Variants in COL25A1 observed in about 807,000 individuals in gnomAD.
The protein encoded by COL25A1 is collagen alpha-1(XXV) chain.
Under a neutral mutation model 128.4 loss-of-function variants are expected in COL25A1, and 103 were observed. The ratio of observed to expected loss-of-function variants is 0.80; its 90% CI spans 0.68 to 0.94. The LOEUF (loss-of-function observed/expected upper bound fraction) is 0.94, where lower values mean the gene tolerates loss of function less well. Ranked by LOEUF, COL25A1 falls within the 40% of genes least tolerant of loss-of-function variation. COL25A1 has a pLI of 0.00. For synonymous variants in COL25A1, 279 were observed against 277.2 expected, an observed-to-expected ratio of 1.01 and a Z score of -0.06; for missense variants, 745 against 840.0, an observed-to-expected ratio of 0.89 and a Z score of 1.40.
At chr4:109,020,273 A>G (rs1757603136) in intron 5 of COL25A1, among the ~76,000 whole-genome samples, 1 of 152,324 alleles carries the variant, frequency 6.6e-6, no homozygotes, top group South Asian at 2.1e-4. Flanking sequence ...TACAGGATAG[A>G]TATTAATAAT....
intron 5 of COL25A1, among the ~76,000 whole-genome samples, chr4:109,013,494 T>C (rs1756880468): frequency 6.6e-6 from 1 of 151,608 alleles, no homozygotes; most frequent in South Asian, 2.1e-4. Context: ...CCACACTGTG[T>C]AGGCTTTGTT....
rs1423591645 is a variant in COL25A1, at chr4:109,279,116, G to A, written c.367+21467C>T. 2.0e-5 allele frequency among the ~76,000 whole-genome samples: 3 copies of A among 151,920 alleles called. No homozygotes were observed. The South Asian group carries it at 6.2e-4, about 32-fold the overall frequency. On this transcript the variant is annotated intron_variant, in intron 3 of 37. Coordinates refer to ENST00000399132, the MANE Select transcript of COL25A1 (RefSeq NM_198721.4). The stretch of plus-strand genomic sequence containing the variant: ...TTTTTAACATATGAGTTTTGGGCGG[G>A]GGGATGGGGGAAGACACAGACACCC...
intron 19 of COL25A1, among the ~76,000 whole-genome samples, chr4:108,880,020 G>A (rs779859356): frequency 3.3e-5 from 5 of 151,388 alleles, no homozygotes; most frequent in Non-Finnish European, 7.4e-5. Flanking sequence ...TGTTGGTCAG[G>A]CTGGTCTCAA....
chr4:109,287,139 A>T, intron 3 of COL25A1, among the ~76,000 whole-genome samples: 1 of 152,222 alleles, frequency 6.6e-6, no homozygotes, highest in East Asian at 1.9e-4. Flanking sequence ...TATGAGTTCA[A>T]ATACCAATTA....
intron 18 of COL25A1, among the ~76,000 whole-genome samples, chr4:108,884,795 T>C (rs1331583162): frequency 6.6e-6 from 1 of 152,214 alleles, no homozygotes; most frequent in African/African-American, 2.4e-5. Context: ...CTGACAATTG[T>C]TGAGTCTGAG....
chr4:108,876,400 T>C (rs1487505753), intron 19 of COL25A1, among the ~76,000 whole-genome samples: 2 of 152,116 alleles, frequency 1.3e-5, no homozygotes, highest in Non-Finnish European at 2.9e-5. Flanking sequence ...CACATTACCG[T>C]AAAAATTAAA....
At chr4:109,052,218 T>C (rs572671191) in intron 3 of COL25A1, among the ~76,000 whole-genome samples, 1 of 152,018 alleles carries the variant, frequency 6.6e-6, no homozygotes, top group Admixed American at 6.5e-5. Context: ...ATGAAAAAAA[T>C]GATTAAAGAA....
At chr4:109,080,636 A>G (rs1763756558) in intron 3 of COL25A1, among the ~76,000 whole-genome samples, 1 of 152,210 alleles carries the variant, frequency 6.6e-6, no homozygotes, top group South Asian at 2.1e-4. Flanking sequence ...TAATTATCAA[A>G]AGATGTTGAA....
chr4:108,951,594 C>T (rs569525206), intron 8 of COL25A1, among the ~76,000 whole-genome samples: 8 of 151,934 alleles, frequency 5.3e-5, no homozygotes, highest in African/African-American at 1.9e-4. Context: ...TCATGTTGGC[C>T]AGGTGGGTCT....
In COL25A1 at chr4:109,251,527, C is replaced by T. The variant is rs1226410151; in HGVS notation, c.367+49056G>A. Among the ~76,000 whole-genome samples, 3 of 152,236 alleles carry T rather than the reference C, an allele frequency of 2.0e-5. No individual in the cohort carries two copies. In the East Asian group the frequency reaches 5.8e-4, roughly 29 times the overall value. On this transcript the variant is annotated intron_variant, in intron 3 of 37. Coordinates refer to ENST00000399132, the MANE Select transcript of COL25A1 (RefSeq NM_198721.4). ...TGGTAGAATAGCAGTCCAATTTCCCCTTGCTAGTCAGGGTCAGTCACCACT... is the reference window on the plus strand; with the variant it reads ...TGGTAGAATAGCAGTCCAATTTCCCTTTGCTAGTCAGGGTCAGTCACCACT...
chr4:109,174,368 T>C (rs971680709), intron 3 of COL25A1, among the ~76,000 whole-genome samples: 2 of 152,084 alleles, frequency 1.3e-5, no homozygotes, highest in African/African-American at 4.8e-5. Context: ...AGCTAAACAT[T>C]CCTTTTTATC....
Position 108,835,861 on chromosome 4 carries a change from C to CTTTTTTTTTTTTTTTTTTTTTTT in COL25A1, c.1657-3451_1657-3429dup, listed in dbSNP as rs1158184110. On this transcript the variant is annotated intron_variant, in intron 31 of 37. Transcript: ENST00000399132. Reference sequence around the variant, plus strand: ...GCCACAGTGCCCGGCTTACATACGTCTTTTTTTTTTTTTTTTTTTTTTTTT... The same window carrying CTTTTTTTTTTTTTTTTTTTTTTT: ...GCCACAGTGCCCGGCTTACATACGTCTTTTTTTTTTTTTTTTTTTTTTTTTTTTTTTTTTTTTTTTTTTTTTTT... Among the ~76,000 whole-genome samples the CTTTTTTTTTTTTTTTTTTTTTTT allele has an allele frequency of 4.6e-4, 21 of 45,720 alleles. 1 individual carries two copies. The highest frequency in any genetic ancestry group is 5.8e-4 in the Non-Finnish European group (16 of 27,386). The allele number at this position is 45,720 out of a possible 152,430, so 30.0% of individuals were successfully genotyped here.
At chr4:109,075,140 G>A (rs937108197) in intron 3 of COL25A1, among the ~76,000 whole-genome samples, 1 of 152,120 alleles carries the variant, frequency 6.6e-6, no homozygotes, top group South Asian at 2.1e-4. Context: ...TGACAGTTAA[G>A]TACCAATTCA....
chr4:109,060,911 T>C (rs1018092253), intron 3 of COL25A1, among the ~76,000 whole-genome samples: 15 of 152,196 alleles, frequency 9.9e-5, no homozygotes, highest in African/African-American at 3.4e-4. Flanking sequence ...GCTGATGCTA[T>C]AGTTTGGGTC....
intron 3 of COL25A1, among the ~76,000 whole-genome samples, chr4:109,175,726 C>T (rs1278948847): frequency 6.6e-6 from 1 of 152,164 alleles, no homozygotes; most frequent in Non-Finnish European, 1.5e-5. Flanking sequence ...TCAATAGATA[C>T]ATCTAAGCCA....
At chr4:108,938,870 C>A (rs994176144) in intron 10 of COL25A1, among the ~76,000 whole-genome samples, 13 of 151,760 alleles carry the variant, frequency 8.6e-5, no homozygotes, top group African/African-American at 2.7e-4. Context: ...AAAAAAAAAT[C>A]TTTTTCTAGC....
chr4:109,293,363 C>G (rs2126286854), intron 3 of COL25A1, among the ~76,000 whole-genome samples: 1 of 152,078 alleles, frequency 6.6e-6, no homozygotes, highest in South Asian at 2.1e-4. Flanking sequence ...TTCCTCCCCT[C>G]TTTTACTCTC....
intron 6 of COL25A1, among the ~76,000 whole-genome samples, chr4:109,009,499 A>C (rs1346937168): frequency 6.6e-6 from 1 of 152,220 alleles, no homozygotes; most frequent in African/African-American, 2.4e-5. Flanking sequence ...TGGAGTACAC[A>C]ATAGATAATT....
chr4:109,243,830 G>A (rs974853108), intron 3 of COL25A1, among the ~76,000 whole-genome samples: 7 of 152,162 alleles, frequency 4.6e-5, no homozygotes, highest in Admixed American at 2.6e-4. Context: ...TGGTGCTAAT[G>A]GAAGGTCAGA....
Sources: gnomAD v4.1 joint callset for allele counts (sites outside exome capture counted in the v4.1 genomes callset) on GRCh38, gnomAD v4.1.1 for gene constraint, MANE v1.5 for transcripts, NCBI Gene and HGNC (gene_info 2026-07-23, HGNC 2026-07-21) for gene names.